CNGB1: variants seen among roughly 807,000 people sequenced by gnomAD.
CNGB1 encodes cyclic nucleotide gated channel subunit beta 1.
In CNGB1, 126 loss-of-function variants were observed where a neutral mutation model predicts 151.7. The observed-to-expected ratio is 0.83, with a 90% confidence interval of 0.72 to 0.96. The LOEUF is 0.96. Among genes scored for constraint, CNGB1 ranks in the 40% least tolerant of loss-of-function variants. The pLI is 0.00. For synonymous variants in CNGB1, 623 were observed against 635.1 expected, an observed-to-expected ratio of 0.98 and a Z score of 0.29; for missense variants, 1,698 against 1,627.0, an observed-to-expected ratio of 1.04 and a Z score of -0.75.
At chr16:57,943,538 C>A (rs1285584437) in intron 14 of CNGB1, among the ~76,000 whole-genome samples, 3 of 152,142 alleles carry the variant, frequency 2.0e-5, no homozygotes, top group Non-Finnish European at 4.4e-5. Context: ...GGCATGGCAG[C>A]ACACTTCTGT....
At chr16:57,955,888 C>G (rs1962071460) in intron 12 of CNGB1, among the ~76,000 whole-genome samples, 1 of 152,184 alleles carries the variant, frequency 6.6e-6, no homozygotes, top group Non-Finnish European at 1.5e-5. Context: ...TGACCCTGGA[C>G]TTCTGGCTCC....
chr16:57,885,588 T>TC (rs1959906613), intron 32 of CNGB1, among the ~76,000 whole-genome samples: 1 of 94,132 alleles, frequency 1.1e-5, no homozygotes. Flanking sequence ...CTTTCTTTCT[T>TC]TCTTTCTTTC....
chr16:57,956,537 T>G (rs966080789), intron 12 of CNGB1, among the ~76,000 whole-genome samples: 30 of 152,074 alleles, frequency 2.0e-4, no homozygotes, highest in Non-Finnish European at 4.0e-4. Flanking sequence ...CTAGCGGGGC[T>G]GGGGCTGGAC....
intron 12 of CNGB1, chr16:57,954,561 C>T (rs1420562202): frequency 1.3e-5 from 7 of 537,296 alleles, no homozygotes; most frequent in Non-Finnish European, 1.4e-5. Context: ...TGGCTAATTC[C>T]TCTCCTCCTG....
At position 57,931,872 on chromosome 16, in the gene CNGB1, G is replaced by T; in HGVS notation, c.1379C>A (p.Ala460Asp). ...CTGCACTTCTGGGTGCTGTTTCGTG[G>T]CAGGCACTGGGGGAGAGGAAGGAGA... Reference protein sequence around the residue: ...EAEAASSGVPATKQHPEVQVE... With the variant: ...EAEAASSGVPDTKQHPEVQVE... Residue 460 changes from alanine (A) to aspartate (D), a missense_variant, in exon 17 of 33, where the codon GCC becomes GAC. Ala to Asp is a moderately radical substitution (Grantham distance 126). Transcript: ENST00000251102. The T allele has an allele frequency of 6.2e-7, 1 of 1,614,094 alleles. No homozygotes were observed.
chr16:57,884,163 C>T lies in CNGB1; in HGVS notation c.*1G>A, dbSNP rs538760668. ...GCGCGCGGGATCCGCCTCACCCCAC[C>T]TTACTCCGCCTTCTCCTCCCTTTCC... On this transcript the variant is annotated 3_prime_UTR_variant, in exon 33 of 33. Coordinates refer to ENST00000251102, the MANE Select transcript of CNGB1 (RefSeq NM_001297.5). 3.1e-6 allele frequency: 5 copies of T among 1,614,028 alleles called. No homozygotes were observed. Among genetic ancestry groups the T allele is most frequent in the Non-Finnish European group, 4.2e-6 (5 of 1,179,912 alleles).
intron 20 of CNGB1, among the ~76,000 whole-genome samples, chr16:57,918,759 G>A (rs2149365609): frequency 6.6e-6 from 1 of 152,236 alleles, no homozygotes; most frequent in Non-Finnish European, 1.5e-5. Flanking sequence ...GAATGCAATT[G>A]TGCGATCTTG....
chr16:57,913,116 G>T, intron 23 of CNGB1, 122 bp from the exon 24 acceptor site: 1 of 848,618 alleles, frequency 1.2e-6, no homozygotes. Flanking sequence ...AGGACGGTGA[G>T]CATTCAATAT....
At chr16:57,961,152 G>A (rs1962245681) in intron 7 of CNGB1, among the ~76,000 whole-genome samples, 1 of 152,222 alleles carries the variant, frequency 6.6e-6, no homozygotes. Context: ...GGCCTCCTGG[G>A]GCAGCAGGGG....
Position 57,926,925 on chromosome 16 carries a change from A to G in CNGB1, c.1536-3545T>C, listed in dbSNP as rs578133111. 2.0e-5 allele frequency among the ~76,000 whole-genome samples: 3 copies of G among 151,548 alleles called. No homozygotes were observed. The South Asian group carries it at 6.2e-4, about 31-fold the overall frequency. ...AATCAGGGAGGCAGAGGTTGCAGTGAGCTGAGACCATTGCATTCCTGCCTG... is the reference window on the plus strand; with the variant it reads ...AATCAGGGAGGCAGAGGTTGCAGTGGGCTGAGACCATTGCATTCCTGCCTG... On this transcript the variant is annotated intron_variant, in intron 17 of 32. Transcript: ENST00000251102.
chr16:57,955,187 C>G (rs1962053904), intron 12 of CNGB1: 1 of 1,516,208 alleles, frequency 6.6e-7, no homozygotes, highest in African/African-American at 1.4e-5. Context: ...TCCCCTTGTC[C>G]TGCCTGGGAG....
At chr16:57,930,008 T>A (rs1170697728) in intron 17 of CNGB1, among the ~76,000 whole-genome samples, 1 of 152,216 alleles carries the variant, frequency 6.6e-6, no homozygotes, top group African/African-American at 2.4e-5. Context: ...ATAGTCACTG[T>A]GGAAAACAGA....
chr16:57,921,518 G>T (rs1002339888), intron 18 of CNGB1, among the ~76,000 whole-genome samples: 1 of 152,080 alleles, frequency 6.6e-6, no homozygotes, highest in Admixed American at 6.6e-5. Context: ...CACCGTGCCC[G>T]GCCAAGTGTG....
In CNGB1 at chr16:57,944,036, T is replaced by C. The variant is rs116287934; in HGVS notation, c.1122-3715A>G. Among the ~76,000 whole-genome samples, 1,041 of 151,960 alleles carry C rather than the reference T, an allele frequency of 6.9e-3. 11 individuals carry two copies. The highest frequency in any genetic ancestry group is 0.017 in the African/African-American group (707 of 41,466). ...CCGAGTAGCTGGGAGTACAGGCCCA[T>C]GTTACCACACCCGGCTAATTTTTGT... On this transcript the variant is annotated intron_variant, in intron 14 of 32. Coordinates refer to ENST00000251102, the MANE Select transcript of CNGB1 (RefSeq NM_001297.5).
In CNGB1 at chr16:57,960,051, G is replaced by T. The variant is rs1223875130; in HGVS notation, c.598C>A (p.Pro200Thr). 6 of 1,559,036 alleles carry T rather than the reference G, an allele frequency of 3.8e-6. No homozygotes were observed. Among genetic ancestry groups the T allele is most frequent in the Non-Finnish European group, 4.3e-6 (5 of 1,156,170 alleles). Residue 200 changes from proline (P) to threonine (T), a missense_variant, in exon 10 of 33, where the codon CCC becomes ACC. Transcript: ENST00000251102. Reference sequence around the variant, plus strand: ...TGCAGCTTGGGCCCCATTTCCTGGGGGCGTCCTGGAGGCGCTAAGCAGCGG... The same window carrying T: ...TGCAGCTTGGGCCCCATTTCCTGGGTGCGTCCTGGAGGCGCTAAGCAGCGG... ...AASDPAPPGR[P>T]QEMGPKLQAR...
rs1026685077 is a variant in CNGB1, at chr16:57,901,517, A to C, written c.2892+11T>G. On this transcript the variant is annotated intron_variant, in intron 28 of 32. Transcript: ENST00000251102. ...CCACAGCCCTGAGCGTGAGGGCACC[A>C]AAAGGTGTACCTGAAAGAGTGCGAC... The C allele has an allele frequency of 1.2e-6, 2 of 1,613,722 alleles. No individual in the cohort carries two copies. The highest frequency in any genetic ancestry group is 1.7e-5 in the Admixed American group (1 of 60,004).
At position 57,957,347 on chromosome 16, in the gene CNGB1, G is replaced by A; in HGVS notation, c.868C>T (p.Gln290Ter). Residue 290 changes from glutamine (Q) to a stop codon, truncating the protein, a stop_gained, in exon 12 of 33, where the codon CAG becomes TAG. Transcript: ENST00000251102. LOFTEE classifies it high-confidence loss of function. ...EPDSPGICDV[Q>*]TISILPGGQV... ...TCAGTAATGTGTCACTTACTGGTCT[G>A]CACATCACATATCCCAGGGGAGTCA... 2 of 1,613,934 alleles carry A rather than the reference G, an allele frequency of 1.2e-6. No homozygotes were observed. The highest frequency in any genetic ancestry group is 1.3e-5 in the African/African-American group (1 of 75,060).
At chr16:57,961,264 A>C (rs952585052) in intron 7 of CNGB1, among the ~76,000 whole-genome samples, 15 of 152,224 alleles carry the variant, frequency 9.9e-5, no homozygotes, top group Non-Finnish European at 1.6e-4. Context: ...CTGTGCCATC[A>C]CACAAAGCCT....
chr16:57,967,208 C>T lies in CNGB1; in HGVS notation c.79G>A (p.Val27Met). 6.2e-7 allele frequency: 1 copy of T among 1,614,210 alleles called. No homozygotes were observed. Among genetic ancestry groups the T allele is most frequent in the Admixed American group, 1.7e-5 (1 of 60,020 alleles). Residue 27 changes from valine (V) to methionine (M), a missense_variant, in exon 2 of 33, where the codon GTG (valine) becomes ATG (methionine). Coordinates refer to ENST00000251102, the MANE Select transcript of CNGB1 (RefSeq NM_001297.5). ...GCCTCCATCTCTGGCTCTGGTTCCA[C>T]TTCCTCTTCCTCCTGCATCTTGGTC... ...RKTKMQEEEE[V>M]EPEPEMEAEV...
Sources: allele counts gnomAD v4.1 joint callset (sites outside exome capture counted in the v4.1 genomes callset), GRCh38; gene constraint gnomAD v4.1.1; transcripts MANE v1.5; gene names NCBI Gene and HGNC (gene_info 2026-07-23, HGNC 2026-07-21).